The following LEMD3 variants were observed in gnomAD, a reference collection of about 807,000 sequenced individuals.
The protein encoded by LEMD3 is inner nuclear membrane protein Man1.
A neutral mutation model predicts 95.2 loss-of-function variants in LEMD3; 33 were observed. The observed-to-expected ratio is 0.35, with a 90% CI of 0.26 to 0.46. The LOEUF is 0.46. Ranked by LOEUF, LEMD3 falls within the 20% of genes least tolerant of loss-of-function variation. The probability of loss-of-function intolerance (pLI) is 1.00; values close to 1 mark genes in which losing one functional copy is unlikely to be tolerated. For synonymous variants in LEMD3, 525 were observed against 474.6 expected (o/e 1.11, Z -1.38); for missense variants, 1,210 against 1,192.8 (o/e 1.01, Z -0.21).
intron 10 of LEMD3, among the ~76,000 whole-genome samples, chr12:65,244,572 A>G (rs1264428123): frequency 6.6e-6 from 1 of 152,188 alleles, no homozygotes; most frequent in Non-Finnish European, 1.5e-5. Flanking sequence ...TCCTGTATCA[A>G]TTATTTTGGA....
At chr12:65,215,761 C>T (rs996492601) in intron 2 of LEMD3, among the ~76,000 whole-genome samples, 1 of 151,968 alleles carries the variant, frequency 6.6e-6, no homozygotes, top group Non-Finnish European at 1.5e-5. Context: ...ATTTTTAAAT[C>T]GTTCTCCAGA....
intron 1 of LEMD3, among the ~76,000 whole-genome samples, chr12:65,180,330 A>T (rs2336385): frequency 6.7e-6 from 1 of 150,168 alleles, no homozygotes. Flanking sequence ...CTATGCTTTA[A>T]ACTGCATCAG....
intron 2 of LEMD3, 150 bp downstream of exon 2, chr12:65,211,113 G>A: frequency 3.1e-6 from 2 of 640,222 alleles, no homozygotes; most frequent in Non-Finnish European, 5.5e-6. Context: ...GTAATTTTAA[G>A]GTTATTTTAG....
Position 65,208,677 on chromosome 12 carries a change from T to C in LEMD3, c.1523-2249T>C, listed in dbSNP as rs182588115. ...GCTTTTAATTTGTTAGAGTTGCTGTTTTTGGTTGGTGTTTTCTTGTAAAAA... is the reference window on the plus strand; with the variant it reads ...GCTTTTAATTTGTTAGAGTTGCTGTCTTTGGTTGGTGTTTTCTTGTAAAAA... On this transcript the variant is annotated intron_variant, in intron 1 of 12. Coordinates refer to ENST00000308330, the MANE Select transcript of LEMD3 (RefSeq NM_014319.5). 1.5e-3 allele frequency among the ~76,000 whole-genome samples: 235 copies of C among 152,230 alleles called. 1 individual carries two copies. Among genetic ancestry groups the C allele is most frequent in the Non-Finnish European group, 2.3e-3 (157 of 67,974 alleles).
At chr12:65,232,566 A>G (rs1870661418) in intron 4 of LEMD3, among the ~76,000 whole-genome samples, 1 of 152,156 alleles carries the variant, frequency 6.6e-6, no homozygotes, top group East Asian at 1.9e-4. Flanking sequence ...ATTTAAATAA[A>G]CTTAATAACT....
chr12:65,180,950 G>A (rs1418924134), intron 1 of LEMD3, among the ~76,000 whole-genome samples: 1 of 147,336 alleles, frequency 6.8e-6, no homozygotes, highest in Admixed American at 6.6e-5. Context: ...AATTAATTTT[G>A]TTTCTCAGTT....
intron 1 of LEMD3, among the ~76,000 whole-genome samples, chr12:65,190,229 C>A (rs1467846646): frequency 6.6e-6 from 1 of 152,080 alleles, no homozygotes; most frequent in Non-Finnish European, 1.5e-5. Flanking sequence ...AATTCGAAGG[C>A]CCCCTGCAAC....
At chr12:65,219,472 A>G (rs1281692914) in intron 4 of LEMD3, among the ~76,000 whole-genome samples, 2 of 152,220 alleles carry the variant, frequency 1.3e-5, no homozygotes, top group East Asian at 3.8e-4. Flanking sequence ...AGTTCTTGCA[A>G]ATGGAAACGT....
At chr12:65,182,979 G>A (rs1257202171) in intron 1 of LEMD3, among the ~76,000 whole-genome samples, 1 of 152,146 alleles carries the variant, frequency 6.6e-6, no homozygotes, top group Admixed American at 6.6e-5. Context: ...AATATTAATA[G>A]TACTTAAATT....
At chr12:65,222,990 G>T (rs1043746355) in intron 4 of LEMD3, among the ~76,000 whole-genome samples, 1 of 152,018 alleles carries the variant, frequency 6.6e-6, no homozygotes, top group Non-Finnish European at 1.5e-5. Flanking sequence ...TTTCATTGTG[G>T]TGTGAAAAGT....
rs189903424 is a variant in LEMD3 at position 65,183,703 on chromosome 12, T to C, written c.1522+12585T>C. On this transcript the variant is annotated intron_variant, in intron 1 of 12. Transcript: ENST00000308330. ...TTGCACTGTTTTAAAGCACTGCCAC[T>C]AGCGTTTGGGCAGGTAGGTGGGTGA... is the stretch of plus-strand genomic sequence containing the variant. Among the ~76,000 whole-genome samples the C allele has an allele frequency of 3.2e-3, 481 of 152,302 alleles. 3 individuals carry two copies. The highest frequency in any genetic ancestry group is 0.011 in the African/African-American group (454 of 41,578).
At position 65,236,728 on chromosome 12, in the gene LEMD3, A is replaced by T. The variant is rs188637420; in HGVS notation, c.1696-1774A>T. 2.8e-4 allele frequency among the ~76,000 whole-genome samples: 43 copies of T among 152,264 alleles called. No individual in the cohort carries two copies. The East Asian group carries it at 7.1e-3, about 25-fold the overall frequency. ...ACAGTATTATATTTGATAAATTTTT[A>T]AAAATTGGACATATTCTAAATGTTC... On this transcript the variant is annotated intron_variant, in intron 4 of 12. Coordinates refer to ENST00000308330, the MANE Select transcript of LEMD3 (RefSeq NM_014319.5).
chr12:65,221,640 T>C (rs1473613757), intron 4 of LEMD3, among the ~76,000 whole-genome samples: 1 of 152,096 alleles, frequency 6.6e-6, no homozygotes, highest in African/African-American at 2.4e-5. Flanking sequence ...CTTTTTCTTA[T>C]CTAATTGCTT....
At position 65,230,343 on chromosome 12, in the gene LEMD3, T is replaced by A. The variant is rs149682763; in HGVS notation, c.1696-8159T>A. Among the ~76,000 whole-genome samples, 3 of 152,302 alleles carry A rather than the reference T, an allele frequency of 2.0e-5. No homozygotes were observed. The South Asian group carries it at 6.2e-4, about 32-fold the overall frequency. ...ACTTATGTGAAGAATGTCAGTGGTATTGTAATAGGGATTGCATTGAATCTA... is the reference window on the plus strand; with the variant it reads ...ACTTATGTGAAGAATGTCAGTGGTAATGTAATAGGGATTGCATTGAATCTA... On this transcript the variant is annotated intron_variant, in intron 4 of 12. Coordinates refer to ENST00000308330, the MANE Select transcript of LEMD3 (RefSeq NM_014319.5).
rs1358476065 is a variant in LEMD3 at position 65,240,218 on chromosome 12, C to T, written c.2106C>T (p.Ser702=). 1.2e-6 allele frequency: 2 copies of T among 1,612,488 alleles called. No homozygotes were observed. Among genetic ancestry groups the T allele is most frequent in the South Asian group, 2.2e-5 (2 of 91,046 alleles). The change falls in exon 8 of 13, where the codon TCC becomes TCT. Residue 702 remains serine (S), a synonymous_variant. Transcript: ENST00000308330. ...PYMPIPHVRD[S]LIQPHDRKKM... ...TGCCTATTCCACATGTACGCGATTCCTTAATACAGCCTCATGACAGGTGTG... is the reference window on the plus strand; with the variant it reads ...TGCCTATTCCACATGTACGCGATTCTTTAATACAGCCTCATGACAGGTGTG...
chr12:65,211,035 A>G, intron 2 of LEMD3, 72 bp downstream of exon 2: 1 of 1,118,282 alleles, frequency 8.9e-7, no homozygotes. Context: ...AATGACTATC[A>G]ACTAAAAAAA....
At chr12:65,239,101 C>T (rs895421118) in intron 6 of LEMD3, among the ~76,000 whole-genome samples, 3 of 151,906 alleles carry the variant, frequency 2.0e-5, no homozygotes, top group African/African-American at 7.3e-5. Flanking sequence ...TTGAAAAATA[C>T]AAAAATTGAG....
intron 1 of LEMD3, among the ~76,000 whole-genome samples, chr12:65,197,485 A>C (rs1306630033): frequency 3.3e-5 from 5 of 152,164 alleles, no homozygotes; most frequent in Non-Finnish European, 7.4e-5. Flanking sequence ...TCAAGGTTCC[A>C]TATATTATAA....
chr12:65,215,937 T>TTTTTAA, intron 2 of LEMD3, 40 bp from the exon 3 acceptor site: 2 of 845,444 alleles, frequency 2.4e-6, no homozygotes, highest in Admixed American at 2.3e-5. Flanking sequence ...GTTTTTTTTC[T>TTTTTAA]TGTAATTGGG....
Sources: gnomAD v4.1 joint callset for allele counts (sites outside exome capture counted in the v4.1 genomes callset) on GRCh38, gnomAD v4.1.1 for gene constraint, MANE v1.5 for transcripts, NCBI Gene and HGNC (gene_info 2026-07-23, HGNC 2026-07-21) for gene names.